IGFL2: variants seen among roughly 807,000 people sequenced by gnomAD.
IGFL2 encodes IGF like family member 2.
A neutral mutation model predicts 13.9 loss-of-function variants in IGFL2; 7 were observed. That is an observed-to-expected ratio of 0.51 (90% confidence interval 0.29 to 0.95). The LOEUF is 0.95. Among genes scored for constraint, IGFL2 ranks in the 40% least tolerant of loss-of-function variants. The pLI is 0.08. For synonymous variants in IGFL2, 55 were observed against 55.8 expected (o/e 0.99, Z 0.07); for missense variants, 138 against 147.8 (o/e 0.93, Z 0.34).
At chr19:46,185,764 T>G in the IGFL2 span, among the ~76,000 whole-genome samples, 1 of 152,264 alleles carries the variant, frequency 6.6e-6, no homozygotes, top group Non-Finnish European at 1.5e-5. Context: ...TTTATTGTTG[T>G]TATAACCTTG....
intron 1 of IGFL2, chr19:46,149,084 T>C (rs1973302211): frequency 6.7e-7 from 1 of 1,483,980 alleles, no homozygotes; most frequent in South Asian, 1.2e-5. Flanking sequence ...GTTGTGTGTA[T>C]TCCATCAAGA....
the IGFL2 span, among the ~76,000 whole-genome samples, chr19:46,186,784 A>G: frequency 6.6e-6 from 1 of 152,230 alleles, no homozygotes; most frequent in Non-Finnish European, 1.5e-5. Flanking sequence ...AAAGTGTACA[A>G]TTGAAAAACA....
chr19:46,168,109 T>A, the IGFL2 span, among the ~76,000 whole-genome samples: 1 of 152,200 alleles, frequency 6.6e-6, no homozygotes, highest in Admixed American at 6.5e-5. Context: ...CTAATTTTTG[T>A]ATTTTTTTAG....
the IGFL2 span, among the ~76,000 whole-genome samples, chr19:46,120,979 A>G: frequency 6.6e-6 from 1 of 150,826 alleles, no homozygotes; most frequent in Non-Finnish European, 1.5e-5. Context: ...AAGAAGCCTT[A>G]GGTTTATTTT....
chr19:46,165,221 A>G (rs935145199), downstream of IGFL2, among the ~76,000 whole-genome samples: 4 of 152,222 alleles, frequency 2.6e-5, no homozygotes, highest in African/African-American at 9.6e-5. Context: ...AGTTACTCCA[A>G]GAGGTTAGGG....
chr19:46,085,163 C>T, the IGFL2 span, among the ~76,000 whole-genome samples: 3 of 152,076 alleles, frequency 2.0e-5, no homozygotes, highest in Admixed American at 1.3e-4. Context: ...CTTAAAGCTC[C>T]TGCAGTGAGC....
intron 1 of IGFL2, chr19:46,149,149 TCCC>T (rs1269375289): frequency 9.1e-4 from 198 of 217,720 alleles, no homozygotes; most frequent in Middle Eastern, 2.0e-3. Flanking sequence ...TCTCTCTCTC[TCCC>T]TCTCTCTCTT....
the IGFL2 span, among the ~76,000 whole-genome samples, chr19:46,106,667 G>A: frequency 6.6e-6 from 1 of 152,304 alleles, no homozygotes; most frequent in East Asian, 1.9e-4. Flanking sequence ...CAGCCTGTAA[G>A]ACTTGTCTGG....
the IGFL2 span, among the ~76,000 whole-genome samples, chr19:46,133,784 A>AT: frequency 6.6e-6 from 1 of 152,098 alleles, no homozygotes; most frequent in Non-Finnish European, 1.5e-5. Context: ...TACTTATTTT[A>AT]TTTTCTACAC....
At chr19:46,102,312 G>A in the IGFL2 span, among the ~76,000 whole-genome samples, 1 of 152,196 alleles carries the variant, frequency 6.6e-6, no homozygotes, top group South Asian at 2.1e-4. Flanking sequence ...AGCAAAGGGT[G>A]GTGGGATTGT....
chr19:46,124,335 G>A, the IGFL2 span: 851,752 of 1,601,814 alleles, frequency 0.53, 241,835 homozygotes, highest in Middle Eastern at 0.6. Context: ...AGGGAGAAAG[G>A]AAAAAGGTTG....
the IGFL2 span, among the ~76,000 whole-genome samples, chr19:46,125,500 G>A: frequency 1.3e-5 from 2 of 152,186 alleles, no homozygotes; most frequent in Admixed American, 6.5e-5. Flanking sequence ...AAATAATCCC[G>A]AAGCTGTGGA....
At chr19:46,112,804 G>A in the IGFL2 span, among the ~76,000 whole-genome samples, 66 of 152,308 alleles carry the variant, frequency 4.3e-4, no homozygotes, top group Non-Finnish European at 1.0e-4. Flanking sequence ...TTTTGGTTTG[G>A]TTTTTACAAA....
At chr19:46,158,602 G>T (rs190236531) in intron 1 of IGFL2, among the ~76,000 whole-genome samples, 138 of 152,292 alleles carry the variant, frequency 9.1e-4, no homozygotes, top group Non-Finnish European at 1.8e-3. Context: ...GAAAGGCAGA[G>T]GAACTAGAAT....
At chr19:46,202,638 C>T in the IGFL2 span, 1 of 152,178 alleles carries the variant, frequency 6.6e-6, no homozygotes, top group South Asian at 2.1e-4. Context: ...AGACATGCAT[C>T]CCCACAGTGA....
intron 1 of IGFL2, among the ~76,000 whole-genome samples, chr19:46,150,755 C>T (rs958500727): frequency 2.6e-5 from 4 of 152,152 alleles, no homozygotes; most frequent in African/African-American, 9.7e-5. Context: ...ACTGCACCCT[C>T]TACCTCTGAG....
At chr19:46,187,164 C>T in the IGFL2 span, among the ~76,000 whole-genome samples, 4 of 151,642 alleles carry the variant, frequency 2.6e-5, no homozygotes, top group South Asian at 6.2e-4. Flanking sequence ...AGCATTAACC[C>T]GTTTAAACCT....
At chr19:46,132,147 G>A in the IGFL2 span, among the ~76,000 whole-genome samples, 1 of 152,184 alleles carries the variant, frequency 6.6e-6, no homozygotes, top group Admixed American at 6.5e-5. Flanking sequence ...CACACACAGA[G>A]AAAGTCCAGA....
chr19:46,089,300 G>T, the IGFL2 span, among the ~76,000 whole-genome samples: 2 of 152,056 alleles, frequency 1.3e-5, no homozygotes, highest in African/African-American at 4.8e-5. Context: ...TTTGAATTTT[G>T]ATGTAATCAT....
Sources: gnomAD v4.1 joint callset for allele counts (sites outside exome capture counted in the v4.1 genomes callset) on GRCh38, gnomAD v4.1.1 for gene constraint, MANE v1.5 for transcripts, NCBI Gene and HGNC (gene_info 2026-07-23, HGNC 2026-07-21) for gene names.